ADAM12: variants seen among roughly 807,000 people sequenced by gnomAD.
ADAM12 encodes the protein ADAM metallopeptidase domain 12, also known as disintegrin and metalloproteinase domain-containing protein 12.
A neutral mutation model predicts 106.4 loss-of-function variants in ADAM12; 70 were observed. That is an observed-to-expected ratio of 0.66 (90% confidence interval 0.54 to 0.80). The LOEUF is 0.80. Ranked by LOEUF, ADAM12 falls within the 30% of genes least tolerant of loss-of-function variation. ADAM12 has a pLI of 0.00. For synonymous variants in ADAM12, 420 were observed against 433.5 expected, an observed-to-expected ratio of 0.97 and a Z score of 0.39; for missense variants, 1,010 against 1,171.9, an observed-to-expected ratio of 0.86 and a Z score of 2.02.
chr10:126,384,442 T>C (rs919189395), intron 1 of ADAM12, among the ~76,000 whole-genome samples: 1 of 152,226 alleles, frequency 6.6e-6, no homozygotes, highest in South Asian at 2.1e-4. Context: ...AGAATACAGA[T>C]GATTCAACAC....
intron 3 of ADAM12, among the ~76,000 whole-genome samples, chr10:126,177,038 ATGTG>A (rs764736447): frequency 2.4e-5 from 3 of 125,192 alleles, no homozygotes; most frequent in Non-Finnish European, 5.1e-5. Context: ...GTGTGTGCAC[ATGTG>A]CACACACACA....
In ADAM12 at chr10:126,167,628, G is replaced by A. The variant is rs1310830526; in HGVS notation, c.261-12323C>T. 3.3e-5 allele frequency among the ~76,000 whole-genome samples: 5 copies of A among 149,892 alleles called. No individual in the cohort carries two copies. In the East Asian group the frequency reaches 7.8e-4, roughly 23 times the overall value. Reference sequence around the variant, plus strand: ...AGGTGCATGAAATATTCAATAATGCGAGTGAACGATCAAACTCATTTATAT... The same window carrying A: ...AGGTGCATGAAATATTCAATAATGCAAGTGAACGATCAAACTCATTTATAT... On this transcript the variant is annotated intron_variant, in intron 3 of 22. Coordinates refer to ENST00000448723, the MANE Select transcript of ADAM12 (RefSeq NM_001288973.2).
Position 126,049,150 on chromosome 10 carries a change from G to T in ADAM12, c.1917+103C>A. 2 of 1,451,996 alleles carry T rather than the reference G, an allele frequency of 1.4e-6. No individual in the cohort carries two copies. Among genetic ancestry groups the T allele is most frequent in the East Asian group, 2.3e-5 (1 of 43,780 alleles). 89.9% of individuals were successfully genotyped at this position (1,451,996 alleles called of 1,614,324 possible). On this transcript the variant is annotated intron_variant, in intron 16 of 22. Coordinates refer to ENST00000448723, the MANE Select transcript of ADAM12 (RefSeq NM_001288973.2). The surrounding 1 kb of genome is among the most constrained non-coding windows in gnomAD (Gnocchi z 4.4). ...TTCTAGGTGCATCTGAGAAGAAGTA[G>T]ATTTAGGAAAACCAACAAACCTTGT...
At chr10:126,073,233 C>T (rs1371545659) in intron 11 of ADAM12, among the ~76,000 whole-genome samples, 4 of 152,154 alleles carry the variant, frequency 2.6e-5, no homozygotes, top group African/African-American at 4.8e-5. Context: ...GGATTACAGG[C>T]GCCCACCACC....
chr10:126,307,493 C>G (rs1422130752), intron 2 of ADAM12, among the ~76,000 whole-genome samples: 1 of 151,998 alleles, frequency 6.6e-6, no homozygotes, highest in Non-Finnish European at 1.5e-5. Flanking sequence ...AGCTGAGATT[C>G]CAGGCATGCA....
intron 11 of ADAM12, among the ~76,000 whole-genome samples, chr10:126,073,695 G>C (rs1454680244): frequency 6.6e-6 from 1 of 152,118 alleles, no homozygotes; most frequent in African/African-American, 2.4e-5. Context: ...ATTAACTCTG[G>C]AGTATATTAA....
At chr10:126,166,208 T>C (rs926946305) in intron 3 of ADAM12, among the ~76,000 whole-genome samples, 3 of 152,262 alleles carry the variant, frequency 2.0e-5, no homozygotes, top group Admixed American at 1.3e-4. Context: ...GATTGTCTTT[T>C]GGGACTGTTC....
intron 4 of ADAM12, among the ~76,000 whole-genome samples, chr10:126,144,039 C>T (rs553218236): frequency 6.6e-6 from 1 of 152,320 alleles, no homozygotes; most frequent in African/African-American, 2.4e-5. Context: ...AGCATCTCTG[C>T]TCCCATGTCC....
chr10:126,210,860 T>A (rs772257366), intron 3 of ADAM12, among the ~76,000 whole-genome samples: 1 of 152,206 alleles, frequency 6.6e-6, no homozygotes, highest in Non-Finnish European at 1.5e-5. Context: ...TAGGAAATCA[T>A]GGAAAGGTTA....
At position 126,108,611 on chromosome 10, in the gene ADAM12, A is replaced by G; in HGVS notation, c.723T>C (p.Ile241=). ...AACTTACCTTGTCAACGTGATTAGC[A>G]ATCTCTATTAATCGCTGCTTAACTT... ...LEKVKQRLIE[I]ANHVDKFYRP... Residue 241 remains isoleucine (I), a synonymous_variant, in exon 8 of 23, where the codon ATT becomes ATC. Transcript: ENST00000448723. The G allele has an allele frequency of 6.2e-7, 1 of 1,614,048 alleles. No individual in the cohort carries two copies. The highest frequency in any genetic ancestry group is 2.2e-5 in the East Asian group (1 of 44,888).
intron 3 of ADAM12, among the ~76,000 whole-genome samples, chr10:126,276,027 A>G (rs535363835): frequency 6.6e-6 from 1 of 152,322 alleles, no homozygotes; most frequent in East Asian, 1.9e-4. Context: ...TGCTAGTTAC[A>G]TTGATTATAC....
intron 3 of ADAM12, among the ~76,000 whole-genome samples, chr10:126,267,656 T>C (rs1959125445): frequency 6.6e-6 from 1 of 152,126 alleles, no homozygotes; most frequent in Non-Finnish European, 1.5e-5. Context: ...GGAGCAGCCG[T>C]AAATACAGAT....
At chr10:126,172,160 G>C (rs768013625) in intron 3 of ADAM12, among the ~76,000 whole-genome samples, 1 of 152,176 alleles carries the variant, frequency 6.6e-6, no homozygotes, top group Non-Finnish European at 1.5e-5. Context: ...TATGTATTAA[G>C]TGCACTCCTG....
chr10:126,279,586 G>A (rs1252465577), intron 2 of ADAM12, among the ~76,000 whole-genome samples: 1 of 152,070 alleles, frequency 6.6e-6, no homozygotes, highest in Non-Finnish European at 1.5e-5. Context: ...AATTAGCCTG[G>A]TGTGGTGGCA....
intron 21 of ADAM12, among the ~76,000 whole-genome samples, chr10:126,034,900 C>T (rs1458305729): frequency 6.6e-6 from 1 of 152,034 alleles, no homozygotes; most frequent in Non-Finnish European, 1.5e-5. Context: ...ATTACCAGAG[C>T]TAAACAGAGA....
chr10:126,329,449 A>G (rs966293530), intron 2 of ADAM12, among the ~76,000 whole-genome samples: 7 of 152,110 alleles, frequency 4.6e-5, no homozygotes, highest in Non-Finnish European at 7.3e-5. Flanking sequence ...ATTTTCTTTA[A>G]TATCTTAAGT....
chr10:126,215,433 C>A (rs1243532490), intron 3 of ADAM12, among the ~76,000 whole-genome samples: 1 of 152,134 alleles, frequency 6.6e-6, no homozygotes, highest in Non-Finnish European at 1.5e-5. Context: ...AGGGCCTTCC[C>A]CTTGAGGAAT....
intron 3 of ADAM12, among the ~76,000 whole-genome samples, chr10:126,267,654 C>T (rs927265074): frequency 7.9e-5 from 12 of 152,218 alleles, no homozygotes; most frequent in South Asian, 4.2e-4. Flanking sequence ...GGGGAGCAGC[C>T]GTAAATACAG....
intron 2 of ADAM12, among the ~76,000 whole-genome samples, chr10:126,291,052 G>A (rs370575899): frequency 1.5e-4 from 23 of 152,346 alleles, no homozygotes; most frequent in African/African-American, 5.3e-4. Flanking sequence ...CTAAGACACA[G>A]CCAGTGGTAG....
Sources: allele counts gnomAD v4.1 joint callset (sites outside exome capture counted in the v4.1 genomes callset), GRCh38; gene constraint gnomAD v4.1.1; non-coding constraint Gnocchi (gnomAD v3.1); transcripts MANE v1.5; gene names NCBI Gene and HGNC (gene_info 2026-07-23, HGNC 2026-07-21).